TJP2: variants seen among roughly 807,000 people sequenced by gnomAD.
TJP2 encodes the protein tight junction protein 2.
A neutral mutation model predicts 133.1 loss-of-function variants in TJP2; 91 were observed. That is an observed-to-expected ratio of 0.68 (90% CI 0.58 to 0.81). The LOEUF (loss-of-function observed/expected upper bound fraction) is 0.81. TJP2 is among the 40% of genes least tolerant of loss of function. The pLI is 0.00. For missense variants in TJP2, 1,541 were observed against 1,565.6 expected (o/e 0.98, Z 0.26); for synonymous variants, 592 against 583.4 (o/e 1.01, Z -0.21).
rs147139671 is a variant in TJP2 at position 69,225,332 on chromosome 9, C to A, written c.981C>A (p.Ile327=). 134 of 1,613,782 alleles carry A rather than the reference C, an allele frequency of 8.3e-5. No homozygotes were observed. The African/African-American group carries it at 1.6e-3, about 20-fold the overall frequency. The change falls in exon 6 of 23, where the codon ATC becomes ATA. Residue 327 remains isoleucine (I), a synonymous_variant. Coordinates refer to ENST00000377245, the MANE Select transcript of TJP2 (RefSeq NM_004817.4). ...ATGGTCTCCGGCTTGGGAGTCAGATCTTCGTAAAGGAAATGACCCGAACGG... is the reference window on the plus strand; with the variant it reads ...ATGGTCTCCGGCTTGGGAGTCAGATATTCGTAAAGGAAATGACCCGAACGG... ...EEYGLRLGSQ[I]FVKEMTRTGL... is the part of the protein sequence containing the mutation.
At chr9:69,151,795 T>C (rs1823489968) in intron 2 of TJP2, 2 of 1,232,106 alleles carry the variant, frequency 1.6e-6, no homozygotes, top group Non-Finnish European at 2.0e-6. Context: ...TAATCTCTCA[T>C]CAACCTAGTT....
At chr9:69,151,523 G>T in intron 1 of TJP2, 2 of 868,704 alleles carry the variant, frequency 2.3e-6, no homozygotes, top group Non-Finnish European at 3.0e-6. Flanking sequence ...GCATAACTCT[G>T]TGAAGGTACT....
upstream of TJP2, among the ~76,000 whole-genome samples, chr9:69,172,059 T>C (rs1379362568): frequency 6.6e-6 from 1 of 152,176 alleles, no homozygotes; most frequent in African/African-American, 2.4e-5. Flanking sequence ...CCTCCCAAAG[T>C]GCTGGGATTA....
At chr9:69,248,652 G>A (rs1011844843) in intron 19 of TJP2, 12 of 1,061,468 alleles carry the variant, frequency 1.1e-5, no homozygotes, top group Non-Finnish European at 1.4e-5. Context: ...AAGCTCTTGA[G>A]TGTTTCCCCA....
Position 69,236,072 on chromosome 9 carries a change from A to G in TJP2, c.1825A>G (p.Ile609Val), listed in dbSNP as rs1472698920. 1 of 1,614,126 alleles carries G rather than the reference A, an allele frequency of 6.2e-7. No individual in the cohort carries two copies. The highest frequency in any genetic ancestry group is 1.7e-5 in the Admixed American group (1 of 60,022). ...LACGRGDSFF[I>V]RSHFECEKET... ...TTGTGGCAGAGGGGATTCGTTTTTT[A>G]TAAGAAGCCACTTTGAATGTGAGAA... The change falls in exon 13 of 23, where the codon ATA becomes GTA. Residue 609 changes from isoleucine (I) to valine (V), a missense_variant. Transcript: ENST00000377245.
intron 1 of TJP2, among the ~76,000 whole-genome samples, chr9:69,210,881 C>G (rs941486547): frequency 6.6e-6 from 1 of 152,102 alleles, no homozygotes; most frequent in Non-Finnish European, 1.5e-5. Flanking sequence ...CATGTGCCAC[C>G]ATGCCTGGCT....
rs35047206 is a variant in TJP2 at position 69,244,184 on chromosome 9, G to GAA, written c.2567-2484_2567-2483dup. ...GGGCGACAATGAGACCCTGTCTCAG[G>GAA]AAAAAAAAAAAAAAAAAAAAAAAGT... On this transcript the variant is annotated intron_variant, in intron 17 of 22. Coordinates refer to ENST00000377245, the MANE Select transcript of TJP2 (RefSeq NM_004817.4). Among the ~76,000 whole-genome samples, 260 of 58,304 alleles carry GAA rather than the reference G, an allele frequency of 4.5e-3. 2 individuals are homozygous for GAA. The highest frequency in any genetic ancestry group is 0.015 in the African/African-American group (231 of 15,372). The allele number at this position is 58,304 out of a possible 152,430, so 38.2% of individuals were successfully genotyped here. A position where few individuals can be genotyped will look rare whatever the true frequency, so the allele number is the denominator to read the frequency against.
chr9:69,248,608 C>T, intron 19 of TJP2: 1 of 1,141,310 alleles, frequency 8.8e-7, no homozygotes, highest in Non-Finnish European at 1.1e-6. Context: ...TGCTTTTCTT[C>T]CCCATCCTGC....
chr9:69,133,145 A>G (rs1174561182), intron 1 of TJP2, among the ~76,000 whole-genome samples: 1 of 152,060 alleles, frequency 6.6e-6, no homozygotes, highest in Non-Finnish European at 1.5e-5. Flanking sequence ...TATTTTTTGT[A>G]GAGACAGGGT....
upstream of TJP2, among the ~76,000 whole-genome samples, chr9:69,171,788 A>AATT (rs1194037244): frequency 3.8e-5 from 3 of 78,172 alleles, no homozygotes; most frequent in Non-Finnish European, 7.6e-5. Flanking sequence ...TGAGTAGAAG[A>AATT]ATTTTTTTTT....
At position 69,127,214 on chromosome 9, in the gene TJP2, T is replaced by C. The variant is rs1367730636; in HGVS notation, c.-131+5489T>C. On this transcript the variant is annotated intron_variant, in intron 1 of 5. Transcript: ENST00000423935. ...CCTCCTGAGTAGCTGGGACTACAGG[T>C]GCCCGCCACCACGCCCGGCTAATTT... 1.3e-3 allele frequency among the ~76,000 whole-genome samples: 97 copies of C among 72,090 alleles called. 29 individuals are homozygous for C. Among genetic ancestry groups the C allele is most frequent in the African/African-American group, 4.2e-3 (94 of 22,574 alleles). The allele number at this position is 72,090 out of a possible 152,430, so 47.3% of individuals were successfully genotyped here.
intron 22 of TJP2, 98 bp from the exon 23 acceptor site, chr9:69,254,111 T>G: frequency 3.6e-6 from 5 of 1,394,700 alleles, no homozygotes; most frequent in Non-Finnish European, 5.1e-6. Context: ...AGTGATCTGC[T>G]CGGGATACCC....
intron 1 of TJP2, among the ~76,000 whole-genome samples, chr9:69,209,442 G>A (rs1827691136): frequency 6.6e-6 from 1 of 152,114 alleles, no homozygotes; most frequent in Non-Finnish European, 1.5e-5. Flanking sequence ...CCCGGTTTCT[G>A]CTTTCTGTTT....
At chr9:69,143,041 G>T (rs1823075208) in intron 1 of TJP2, among the ~76,000 whole-genome samples, 1 of 152,124 alleles carries the variant, frequency 6.6e-6, no homozygotes, top group African/African-American at 2.4e-5. Context: ...TCCACACAAA[G>T]ATGACAATTT....
chr9:69,216,617 A>G (rs1336203799), intron 3 of TJP2, among the ~76,000 whole-genome samples, 154 bp downstream of exon 3: 1 of 151,126 alleles, frequency 6.6e-6, no homozygotes, highest in Admixed American at 6.6e-5. Flanking sequence ...AATGGAAGCC[A>G]TAACACACCA....
intron 1 of TJP2, among the ~76,000 whole-genome samples, chr9:69,195,924 T>C (rs1013990074): frequency 2.6e-5 from 4 of 152,218 alleles, no homozygotes; most frequent in African/African-American, 9.7e-5. Context: ...GAATCCATGA[T>C]TGGTCTGGTG....
chr9:69,224,090 G>A (rs1158263616), intron 5 of TJP2, among the ~76,000 whole-genome samples: 1 of 152,194 alleles, frequency 6.6e-6, no homozygotes, highest in Non-Finnish European at 1.5e-5. Context: ...AGCATTGAAA[G>A]TATTTAAAAA....
At chr9:69,204,084 G>T (rs1198953805) in intron 1 of TJP2, among the ~76,000 whole-genome samples, 5 of 152,194 alleles carry the variant, frequency 3.3e-5, no homozygotes, top group Non-Finnish European at 7.3e-5. Flanking sequence ...CCCTTCTGAA[G>T]TGTAGATGGT....
intron 1 of TJP2, among the ~76,000 whole-genome samples, chr9:69,175,361 C>T (rs184659592): frequency 6.6e-6 from 1 of 152,172 alleles, no homozygotes; most frequent in Non-Finnish European, 1.5e-5. Context: ...GGAGGGAGGT[C>T]GTTTTCTTCA....
Sources: gnomAD v4.1 joint callset for allele counts (sites outside exome capture counted in the v4.1 genomes callset) on GRCh38, gnomAD v4.1.1 for gene constraint, MANE v1.5 for transcripts, NCBI Gene and HGNC (gene_info 2026-07-23, HGNC 2026-07-21) for gene names.